KHDRBS2: variants seen among roughly 807,000 people sequenced by gnomAD.
The protein encoded by KHDRBS2 is KH RNA binding domain containing, signal transduction associated 2.
A neutral mutation model predicts 44.3 loss-of-function variants in KHDRBS2; 26 were observed. That is an observed-to-expected ratio of 0.59 (90% CI 0.43 to 0.81). The LOEUF (loss-of-function observed/expected upper bound fraction) is 0.81. Ranked by LOEUF, KHDRBS2 falls within the 40% of genes least tolerant of loss-of-function variation. The pLI is 0.00. For synonymous variants in KHDRBS2, 194 were observed against 151.1 expected (o/e 1.28, Z -2.08); for missense variants, 476 against 433.1 (o/e 1.10, Z -0.88).
At chr6:61,698,433 G>A (rs115144161) in intron 7 of KHDRBS2, among the ~76,000 whole-genome samples, 23 of 152,138 alleles carry the variant, frequency 1.5e-4, no homozygotes, top group African/African-American at 4.8e-4. Context: ...ATCTGAACAC[G>A]TCTAAACATA....
chr6:61,908,731 C>G (rs1413480625), intron 4 of KHDRBS2, among the ~76,000 whole-genome samples: 2 of 151,682 alleles, frequency 1.3e-5, no homozygotes, highest in Admixed American at 1.3e-4. Flanking sequence ...TTAAATAATC[C>G]CTAGGCCTAC....
chr6:61,965,675 CATAA>C (rs1393241712), intron 4 of KHDRBS2, among the ~76,000 whole-genome samples: 9 of 151,650 alleles, frequency 5.9e-5, no homozygotes, highest in Admixed American at 4.6e-4. Context: ...TCCAAAGAAT[CATAA>C]ATAAATAATA....
At chr6:61,757,691 A>G (rs1296158669) in intron 6 of KHDRBS2, among the ~76,000 whole-genome samples, 2 of 151,880 alleles carry the variant, frequency 1.3e-5, no homozygotes, top group Non-Finnish European at 2.9e-5. Flanking sequence ...GTAACTCAAT[A>G]TTTTTGTGAT....
At chr6:61,941,551 T>C (rs1812131162) in intron 4 of KHDRBS2, among the ~76,000 whole-genome samples, 1 of 152,078 alleles carries the variant, frequency 6.6e-6, no homozygotes, top group Non-Finnish European at 1.5e-5. Context: ...CACTAGGGCC[T>C]GAAGACTGAT....
intron 1 of KHDRBS2, among the ~76,000 whole-genome samples, chr6:62,228,106 T>C (rs1832235822): frequency 6.6e-6 from 1 of 152,186 alleles, no homozygotes; most frequent in African/African-American, 2.4e-5. Context: ...TGGTACCAGC[T>C]CCTCTTTGTA....
intron 6 of KHDRBS2, among the ~76,000 whole-genome samples, chr6:61,774,434 C>T (rs1242600218): frequency 6.6e-6 from 1 of 152,020 alleles, no homozygotes; most frequent in African/African-American, 2.4e-5. Context: ...AGCTGATAAG[C>T]AACTTCAGCA....
At position 61,732,724 on chromosome 6, in the gene KHDRBS2, G is replaced by A. The variant is rs751505584; in HGVS notation, c.851C>T (p.Thr284Ile). 1 of 1,612,034 alleles carries A rather than the reference G, an allele frequency of 6.2e-7. No individual in the cohort carries two copies. The highest frequency in any genetic ancestry group is 1.3e-5 in the African/African-American group (1 of 74,932). ...ATAGCTGTTATCATAAGTCTCATAG[G>A]TCTGGTCATCATATTCACCCCCGTA... is the stretch of plus-strand genomic sequence containing the variant. ...DGYGGEYDDQ[T>I]YETYDNSYAT... Residue 284 changes from threonine (T) to isoleucine (I), a missense_variant, in exon 7 of 9, where the codon ACC becomes ATC. Coordinates refer to ENST00000281156, the MANE Select transcript of KHDRBS2 (RefSeq NM_152688.4).
intron 2 of KHDRBS2, among the ~76,000 whole-genome samples, chr6:62,154,899 C>A (rs1439811121): frequency 1.3e-5 from 2 of 152,136 alleles, no homozygotes; most frequent in African/African-American, 4.8e-5. Flanking sequence ...AGGGACCATG[C>A]AAGTCATACA....
At chr6:62,184,163 A>C (rs149744024) in intron 1 of KHDRBS2, among the ~76,000 whole-genome samples, 1,994 of 151,862 alleles carry the variant, frequency 0.013, 39 homozygotes, top group African/African-American at 0.045. Flanking sequence ...GAAAATTTAG[A>C]GATTATGTAT....
the KHDRBS2 span, among the ~76,000 whole-genome samples, chr6:61,566,309 G>A: frequency 5.7e-4 from 86 of 152,174 alleles, no homozygotes; most frequent in African/African-American, 2.1e-3. Flanking sequence ...GTAGGAGTGA[G>A]AACTAGTGTT....
At chr6:62,221,301 G>T (rs1045410683) in intron 1 of KHDRBS2, among the ~76,000 whole-genome samples, 12 of 151,966 alleles carry the variant, frequency 7.9e-5, no homozygotes, top group African/African-American at 2.7e-4. Context: ...TGGTTACTAG[G>T]ATTAAGGTAG....
At chr6:61,672,091 C>T in the KHDRBS2 span, among the ~76,000 whole-genome samples, 8 of 140,272 alleles carry the variant, frequency 5.7e-5, no homozygotes, top group South Asian at 4.6e-4. Context: ...TGAGAATATG[C>T]GGTGTTTGGT....
chr6:61,861,517 T>A (rs1021465051), intron 6 of KHDRBS2, among the ~76,000 whole-genome samples: 7 of 152,182 alleles, frequency 4.6e-5, no homozygotes, highest in African/African-American at 7.2e-5. Flanking sequence ...AAAGATATAA[T>A]GGTTGTAGAT....
chr6:62,024,052 G>C (rs1782837382), intron 3 of KHDRBS2, among the ~76,000 whole-genome samples: 1 of 150,862 alleles, frequency 6.6e-6, no homozygotes, highest in African/African-American at 2.4e-5. Flanking sequence ...ATAAAAAAAA[G>C]TTAAATATGT....
At chr6:61,569,676 C>T in the KHDRBS2 span, among the ~76,000 whole-genome samples, 52,310 of 152,132 alleles carry the variant, frequency 0.34, 9,744 homozygotes, top group East Asian at 0.49. Flanking sequence ...GTCCATGGCA[C>T]TCTCCTAGCA....
At chr6:61,574,940 C>T in the KHDRBS2 span, among the ~76,000 whole-genome samples, 1 of 152,036 alleles carries the variant, frequency 6.6e-6, no homozygotes, top group Non-Finnish European at 1.5e-5. Flanking sequence ...ACTGGATCCT[C>T]ATCTCTCACC....
At chr6:61,737,849 A>G (rs1775613228) in intron 6 of KHDRBS2, among the ~76,000 whole-genome samples, 1 of 152,054 alleles carries the variant, frequency 6.6e-6, no homozygotes, top group South Asian at 2.1e-4. Context: ...TATTAAGACC[A>G]ATAAAGTTGT....
At chr6:61,559,331 G>A in the KHDRBS2 span, among the ~76,000 whole-genome samples, 2 of 147,192 alleles carry the variant, frequency 1.4e-5, no homozygotes, top group African/African-American at 2.5e-5. Context: ...GTTTCTTGTA[G>A]GCAACAGATT....
chr6:62,094,506 A>T (rs9342661), intron 2 of KHDRBS2, among the ~76,000 whole-genome samples: 76,789 of 151,436 alleles, frequency 0.51, 19,871 homozygotes, highest in Non-Finnish European at 0.55. Context: ...TCTGTTGATT[A>T]TTTCCTTTTC....
Sources: allele counts gnomAD v4.1 joint callset (sites outside exome capture counted in the v4.1 genomes callset), GRCh38; gene constraint gnomAD v4.1.1; transcripts MANE v1.5; gene names NCBI Gene and HGNC (gene_info 2026-07-23, HGNC 2026-07-21).